GLI2: variants seen among roughly 807,000 people sequenced by gnomAD.
GLI2 encodes GLI family zinc finger 2.
A neutral mutation model predicts 78.9 loss-of-function variants in GLI2; 22 were observed. That is an observed-to-expected ratio of 0.28 (90% CI 0.20 to 0.40). The LOEUF is 0.40. Among genes scored for constraint, GLI2 ranks in the 10% least tolerant of loss-of-function variants. The probability of loss-of-function intolerance (pLI) is 1.00; values close to 1 mark genes in which losing one functional copy is unlikely to be tolerated. For synonymous variants in GLI2, 974 were observed against 963.7 expected (o/e 1.01, Z -0.20); for missense variants, 2,097 against 2,213.2 (o/e 0.95, Z 1.05).
chr2:120,939,739 T>C (rs1680365006), intron 3 of GLI2, among the ~76,000 whole-genome samples: 1 of 152,210 alleles, frequency 6.6e-6, no homozygotes. Flanking sequence ...TTTTATACCA[T>C]CCTCTGGGCC....
intron 1 of GLI2, among the ~76,000 whole-genome samples, chr2:120,751,181 A>C (rs1682861179): frequency 6.6e-6 from 1 of 152,246 alleles, no homozygotes; most frequent in Non-Finnish European, 1.5e-5. Context: ...TCCCTTGCCC[A>C]AAATTGGCCT....
intron 2 of GLI2, among the ~76,000 whole-genome samples, chr2:120,816,342 C>T (rs960588595): frequency 1.3e-5 from 2 of 152,010 alleles, no homozygotes; most frequent in Non-Finnish European, 2.9e-5. Flanking sequence ...ATTACAGGTG[C>T]GTGCCATCAT....
At chr2:120,920,900 G>A (rs1262313627) in intron 2 of GLI2, among the ~76,000 whole-genome samples, 39 of 140,088 alleles carry the variant, frequency 2.8e-4, no homozygotes, top group Admixed American at 4.3e-4. Flanking sequence ...TCTTTTACTT[G>A]AAAAAAAAAA....
At chr2:120,842,171 C>T (rs917296948) in intron 2 of GLI2, among the ~76,000 whole-genome samples, 1 of 151,904 alleles carries the variant, frequency 6.6e-6, no homozygotes, top group African/African-American at 2.4e-5. Context: ...TCTCAGCCAG[C>T]CCCCTGGTTC....
At chr2:120,919,352 G>C (rs1301126728) in intron 2 of GLI2, among the ~76,000 whole-genome samples, 1 of 152,242 alleles carries the variant, frequency 6.6e-6, no homozygotes, top group Non-Finnish European at 1.5e-5. Context: ...TGCCAAGTAA[G>C]AATGCCTCCA....
intron 2 of GLI2, among the ~76,000 whole-genome samples, chr2:120,828,936 C>T (rs577326200): frequency 8.6e-5 from 13 of 152,026 alleles, no homozygotes; most frequent in Non-Finnish European, 1.6e-4. Flanking sequence ...TGCCCCACCA[C>T]GCTGAAGCTA....
At chr2:120,738,285 C>T (rs560078905) in intron 1 of GLI2, among the ~76,000 whole-genome samples, 8 of 152,182 alleles carry the variant, frequency 5.3e-5, no homozygotes, top group Non-Finnish European at 1.0e-4. Flanking sequence ...CTTTCTTCAT[C>T]GTTCTTGCTT....
chr2:120,983,601 C>G (rs1265265745), intron 11 of GLI2, among the ~76,000 whole-genome samples: 2 of 152,194 alleles, frequency 1.3e-5, no homozygotes, highest in African/African-American at 4.8e-5. Context: ...TCAGCCCCAG[C>G]AGATGGGGCA....
At chr2:120,821,950 C>A (rs979393830) in intron 2 of GLI2, among the ~76,000 whole-genome samples, 1 of 152,160 alleles carries the variant, frequency 6.6e-6, no homozygotes, top group Admixed American at 6.5e-5. Context: ...CCACGGGGGC[C>A]GGGAGAAAGT....
At chr2:120,890,762 G>A (rs1440602292) in intron 2 of GLI2, among the ~76,000 whole-genome samples, 6 of 152,182 alleles carry the variant, frequency 3.9e-5, no homozygotes, top group Non-Finnish European at 2.9e-5. Flanking sequence ...TAAGCAAGCC[G>A]TGCTGTTTCC....
intron 2 of GLI2, among the ~76,000 whole-genome samples, chr2:120,871,149 T>C (rs1034214252): frequency 1.3e-5 from 2 of 152,236 alleles, no homozygotes; most frequent in African/African-American, 4.8e-5. Flanking sequence ...GCCTGGGCTT[T>C]AACACTGACT....
At chr2:120,750,205 G>A (rs1682822101) in intron 1 of GLI2, among the ~76,000 whole-genome samples, 1 of 152,230 alleles carries the variant, frequency 6.6e-6, no homozygotes, top group Non-Finnish European at 1.5e-5. Flanking sequence ...TTCCTTCTGA[G>A]TCCCCAGCTC....
rs1049673112 is a variant in GLI2, at chr2:120,990,817, ATGT to A, written c.*146_*148del. On this transcript the variant is annotated 3_prime_UTR_variant, in exon 14 of 14. Transcript: ENST00000361492. ...GCGCAATGGCCGCTTCAGATGACAG[ATGT>A]TGTAAGAGAAGGTTTATGGGCATCC... 5 of 638,732 alleles carry A rather than the reference ATGT, an allele frequency of 7.8e-6. No individual in the cohort carries two copies. Among genetic ancestry groups the A allele is most frequent in the Non-Finnish European group, 1.4e-5 (5 of 369,332 alleles). The allele number at this position is 638,732 out of a possible 1,614,324, so 39.6% of individuals were successfully genotyped here. A position where few individuals can be genotyped will look rare whatever the true frequency, so the allele number is the denominator to read the frequency against.
At chr2:120,959,597 G>A (rs188785292) in intron 5 of GLI2, among the ~76,000 whole-genome samples, 4 of 152,310 alleles carry the variant, frequency 2.6e-5, no homozygotes, top group East Asian at 3.9e-4. Flanking sequence ...GGTTACTCAC[G>A]TATGTCTCTA....
intron 1 of GLI2, among the ~76,000 whole-genome samples, chr2:120,791,521 G>A (rs754353678): frequency 2.6e-5 from 4 of 152,190 alleles, no homozygotes; most frequent in African/African-American, 7.2e-5. Flanking sequence ...TCAGGGTGGC[G>A]GTGTGCTCTT....
At chr2:120,802,598 G>T (rs565599222) in intron 2 of GLI2, among the ~76,000 whole-genome samples, 2 of 152,152 alleles carry the variant, frequency 1.3e-5, no homozygotes, top group Non-Finnish European at 2.9e-5. Flanking sequence ...TCCACTGTGG[G>T]TTCTCTTTCA....
At chr2:120,833,121 G>A (rs979456354) in intron 2 of GLI2, among the ~76,000 whole-genome samples, 11 of 151,798 alleles carry the variant, frequency 7.2e-5, no homozygotes, top group African/African-American at 2.4e-4. Flanking sequence ...TATTCTCCTC[G>A]CCTTTGCCTT....
chr2:120,858,777 G>T (rs1362755390), intron 2 of GLI2, among the ~76,000 whole-genome samples: 1 of 151,882 alleles, frequency 6.6e-6, no homozygotes, highest in Non-Finnish European at 1.5e-5. Flanking sequence ...CTGCAGTGCT[G>T]GGGGGCACAG....
intron 1 of GLI2, among the ~76,000 whole-genome samples, chr2:120,763,146 T>C (rs1286633684): frequency 6.6e-6 from 1 of 152,182 alleles, no homozygotes; most frequent in African/African-American, 2.4e-5. Flanking sequence ...GAATGTGCCC[T>C]TCCTGCCCCC....
Sources: gnomAD v4.1 joint callset for allele counts (sites outside exome capture counted in the v4.1 genomes callset) on GRCh38, gnomAD v4.1.1 for gene constraint, MANE v1.5 for transcripts, NCBI Gene and HGNC (gene_info 2026-07-23, HGNC 2026-07-21) for gene names.